ZNF141: variants seen among roughly 807,000 people sequenced by gnomAD.
ZNF141 encodes the protein zinc finger protein 141 (clone pHZ-44).
A neutral mutation model predicts 11.3 loss-of-function variants in ZNF141; 7 were observed. The ratio of observed to expected loss-of-function variants is 0.62; its 90% CI spans 0.35 to 1.16. The LOEUF (loss-of-function observed/expected upper bound fraction) is 1.16, where lower values mean the gene tolerates loss of function less well. Among genes scored for constraint, ZNF141 ranks in the 50% most tolerant of loss-of-function variants. ZNF141 has a pLI of 0.02. For missense variants in ZNF141, 535 were observed against 554.0 expected, an observed-to-expected ratio of 0.97 and a Z score of 0.34; for synonymous variants, 183 against 190.7, an observed-to-expected ratio of 0.96 and a Z score of 0.33.
intron 1 of ZNF141, among the ~76,000 whole-genome samples, chr4:341,900 T>C (rs575070120): frequency 2.0e-5 from 3 of 152,338 alleles, no homozygotes; most frequent in Non-Finnish European, 4.4e-5. Flanking sequence ...CTAATGTTTC[T>C]AGAGACATCC....
At chr4:353,464 T>TA (rs1721701850) in intron 3 of ZNF141, among the ~76,000 whole-genome samples, 1 of 87,142 alleles carries the variant, frequency 1.1e-5, no homozygotes, top group Non-Finnish European at 2.5e-5. Flanking sequence ...ATTATTATTA[T>TA]TATTTTTTTT....
chr4:345,909 T>G (rs1721300323), intron 3 of ZNF141, among the ~76,000 whole-genome samples: 1 of 152,216 alleles, frequency 6.6e-6, no homozygotes, highest in Non-Finnish European at 1.5e-5. Context: ...GCTATGTCAT[T>G]AACCAGCATA....
chr4:350,517 A>G (rs1273989527), intron 3 of ZNF141, among the ~76,000 whole-genome samples: 5 of 152,162 alleles, frequency 3.3e-5, no homozygotes, highest in Non-Finnish European at 7.3e-5. Context: ...TCTTTCATTC[A>G]TTGAAGGATG....
intron 3 of ZNF141, among the ~76,000 whole-genome samples, chr4:366,115 G>C (rs1452277204): frequency 6.6e-6 from 1 of 151,960 alleles, no homozygotes; most frequent in South Asian, 2.1e-4. Context: ...GCTATTTGGG[G>C]GTCTTTGGTT....
Position 375,354 on chromosome 4 carries a change from A to G in ZNF141, c.*1492A>G, listed in dbSNP as rs1281471646. 6.6e-6 allele frequency: 1 copy of G among 152,240 alleles called. No homozygotes were observed. Among genetic ancestry groups the G allele is most frequent in the Admixed American group, 6.5e-5 (1 of 15,288 alleles). 9.4% of individuals were successfully genotyped at this position (152,240 alleles called of 1,614,324 possible). A position where few individuals can be genotyped will look rare whatever the true frequency, so the allele number is the denominator to read the frequency against. On this transcript the variant is annotated 3_prime_UTR_variant, in exon 4 of 4. Coordinates refer to ENST00000240499, the MANE Select transcript of ZNF141 (RefSeq NM_003441.4). ...AACACTGAAGGAGACTTTCTTCAACATCAGAAAATTTATATTGGAGAGAAA... is the reference window on the plus strand; with the variant it reads ...AACACTGAAGGAGACTTTCTTCAACGTCAGAAAATTTATATTGGAGAGAAA...
chr4:347,064 T>TTCCA (rs1721363560), intron 3 of ZNF141, among the ~76,000 whole-genome samples: 1 of 143,676 alleles, frequency 7.0e-6, no homozygotes, highest in Non-Finnish European at 1.5e-5. Flanking sequence ...TGAGATGGAG[T>TTCCA]TTCACTCTTG....
intron 3 of ZNF141, chr4:350,054 A>G (rs1476727745): frequency 6.1e-5 from 30 of 488,664 alleles, no homozygotes; most frequent in African/African-American, 2.7e-4. Flanking sequence ...CTCCAGGGCC[A>G]TGGCTGGGTG....
intron 3 of ZNF141, among the ~76,000 whole-genome samples, chr4:369,177 TCA>T (rs1190449155): frequency 1.3e-5 from 2 of 148,212 alleles, no homozygotes; most frequent in African/African-American, 2.5e-5. Context: ...ACACACACAC[TCA>T]CACACACACA....
intron 3 of ZNF141, among the ~76,000 whole-genome samples, chr4:356,101 G>A (rs1054519663): frequency 7.3e-5 from 11 of 151,558 alleles, no homozygotes; most frequent in Non-Finnish European, 1.6e-4. Flanking sequence ...TGCGGTGGCG[G>A]CTGCCTGTAA....
chr4:361,217 C>T (rs1273563238), intron 3 of ZNF141, among the ~76,000 whole-genome samples: 1 of 151,962 alleles, frequency 6.6e-6, no homozygotes, highest in Non-Finnish European at 1.5e-5. Flanking sequence ...ATAAACTGCC[C>T]TTTTCCTCTC....
At chr4:350,039 C>A (rs2108692343) in intron 3 of ZNF141, 2 of 467,970 alleles carry the variant, frequency 4.3e-6, no homozygotes, top group South Asian at 3.3e-5. Flanking sequence ...GATATACAGG[C>A]CTGCCTCCAG....
Position 341,110 on chromosome 4 carries a change from C to T in ZNF141, c.4-2672C>T, listed in dbSNP as rs1349873676. Among the ~76,000 whole-genome samples, 8 of 151,658 alleles carry T rather than the reference C, an allele frequency of 5.3e-5. No individual in the cohort carries two copies. The East Asian group carries it at 1.5e-3, about 29-fold the overall frequency. ...TTGAGACAGAATCTCGCTCTGTCGCCAGGCTGGGGTGCAGTGGTGCGATCT... is the reference window on the plus strand; with the variant it reads ...TTGAGACAGAATCTCGCTCTGTCGCTAGGCTGGGGTGCAGTGGTGCGATCT... On this transcript the variant is annotated intron_variant, in intron 1 of 3. Coordinates refer to ENST00000240499, the MANE Select transcript of ZNF141 (RefSeq NM_003441.4).
At chr4:365,791 T>C (rs1711715495) in intron 3 of ZNF141, among the ~76,000 whole-genome samples, 1 of 152,246 alleles carries the variant, frequency 6.6e-6, no homozygotes, top group African/African-American at 2.4e-5. Flanking sequence ...TTTAAATCTT[T>C]ATTTGCGATT....
At chr4:364,156 TTTTG>T (rs1265280704) in intron 3 of ZNF141, among the ~76,000 whole-genome samples, 2 of 152,208 alleles carry the variant, frequency 1.3e-5, no homozygotes, top group East Asian at 3.8e-4. Context: ...AATTCTCTTT[TTTTG>T]TTGTGTCTCT....
chr4:369,760 ATATATTTT>A (rs1711952169), intron 3 of ZNF141, among the ~76,000 whole-genome samples: 1 of 34,092 alleles, frequency 2.9e-5, no homozygotes. Flanking sequence ...ATATATATAT[ATATATTTT>A]TTTTTTTTTT....
In ZNF141 at chr4:340,275, G is replaced by A. The variant is rs1001410928; in HGVS notation, c.3+2289G>A. Among the ~76,000 whole-genome samples the A allele has an allele frequency of 3.9e-5, 6 of 151,980 alleles. No individual in the cohort carries two copies. The South Asian group carries it at 8.3e-4, about 21-fold the overall frequency. On this transcript the variant is annotated intron_variant, in intron 1 of 3. Transcript: ENST00000240499. ...CCCACAGTTGTGCAGCAAAGTGCAC[G>A]AAGTGCAGCAAAGTGCTCCCCAAAG...
rs1553848974 is a variant in ZNF141, at chr4:343,889, C to T, written c.111C>T (p.Tyr37=). 6.2e-7 allele frequency: 1 copy of T among 1,605,802 alleles called. No individual in the cohort carries two copies. Among genetic ancestry groups the T allele is most frequent in the Admixed American group, 1.8e-5 (1 of 57,042 alleles). The change falls in exon 2 of 4, where the codon TAC becomes TAT. Residue 37 remains tyrosine, a synonymous_variant. Transcript: ENST00000240499. ...NLYRDVMLEN[Y]RNLVSLGVAI... is the part of the protein sequence containing the mutation. ...ATAGAGATGTGATGTTGGAGAACTACAGGAACCTGGTCTCCCTGGGTGAGG... is the reference window on the plus strand; with the variant it reads ...ATAGAGATGTGATGTTGGAGAACTATAGGAACCTGGTCTCCCTGGGTGAGG...
At chr4:367,965 G>A (rs1042340146) in intron 3 of ZNF141, among the ~76,000 whole-genome samples, 1 of 151,980 alleles carries the variant, frequency 6.6e-6, no homozygotes, top group Admixed American at 6.6e-5. Context: ...ATATTCTTAT[G>A]CACTCTGTCT....
intron 3 of ZNF141, among the ~76,000 whole-genome samples, chr4:352,515 T>C (rs770584798): frequency 6.6e-6 from 1 of 152,224 alleles, no homozygotes; most frequent in Non-Finnish European, 1.5e-5. Context: ...GGTTGTATGC[T>C]AGCTCAGACT....
Sources: allele counts gnomAD v4.1 joint callset (sites outside exome capture counted in the v4.1 genomes callset), GRCh38; gene constraint gnomAD v4.1.1; transcripts MANE v1.5; gene names NCBI Gene and HGNC (gene_info 2026-07-23, HGNC 2026-07-21).